RNGTT: variants seen among roughly 807,000 people sequenced by gnomAD.
RNGTT encodes the protein mRNA-capping enzyme.
A neutral mutation model predicts 79.3 loss-of-function variants in RNGTT; 33 were observed. That is an observed-to-expected ratio of 0.42 (90% confidence interval 0.32 to 0.56). The LOEUF (loss-of-function observed/expected upper bound fraction) is 0.56, where lower values mean the gene tolerates loss of function less well. Ranked by LOEUF, RNGTT falls within the 20% of genes least tolerant of loss-of-function variation. The probability of loss-of-function intolerance (pLI) is 0.17; values close to 1 mark genes in which losing one functional copy is unlikely to be tolerated. For synonymous variants in RNGTT, 222 were observed against 235.9 expected (o/e 0.94, Z 0.54); for missense variants, 497 against 739.1 (o/e 0.67, Z 3.80).
At chr6:88,952,233 C>G (rs1459345161) in intron 1 of RNGTT, among the ~76,000 whole-genome samples, 1 of 152,132 alleles carries the variant, frequency 6.6e-6, no homozygotes, top group Non-Finnish European at 1.5e-5. Flanking sequence ...GGCCCAAGAA[C>G]CACCCCCCAT....
chr6:88,927,207 A>T (rs139257809), intron 4 of RNGTT, among the ~76,000 whole-genome samples: 134 of 152,340 alleles, frequency 8.8e-4, no homozygotes, highest in African/African-American at 3.1e-3. Context: ...ACTGTGCTGA[A>T]ACAAATGGTT....
intron 8 of RNGTT, among the ~76,000 whole-genome samples, chr6:88,857,447 C>T (rs756181144): frequency 5.9e-5 from 9 of 152,030 alleles, no homozygotes; most frequent in Non-Finnish European, 5.9e-5. Context: ...GCACAGTCTA[C>T]CTGAATACAC....
intron 8 of RNGTT, among the ~76,000 whole-genome samples, chr6:88,861,577 T>C (rs1009443297): frequency 1.3e-5 from 2 of 152,302 alleles, no homozygotes; most frequent in East Asian, 3.9e-4. Flanking sequence ...TTTACAACTT[T>C]TTAAAAAGAA....
intron 12 of RNGTT, among the ~76,000 whole-genome samples, chr6:88,789,371 C>T (rs574352096): frequency 1.3e-5 from 2 of 152,262 alleles, no homozygotes; most frequent in South Asian, 2.1e-4. Context: ...ACTATCCTGG[C>T]CAACATGGTG....
intron 13 of RNGTT, among the ~76,000 whole-genome samples, chr6:88,762,197 T>C (rs1250136075): frequency 6.6e-6 from 1 of 152,164 alleles, no homozygotes; most frequent in African/African-American, 2.4e-5. Flanking sequence ...CTGCGGTTAT[T>C]TTCCAGTTAC....
At position 88,891,515 on chromosome 6, in the gene RNGTT, T is replaced by C. The variant is rs189123871; in HGVS notation, c.794+291A>G. Among the ~76,000 whole-genome samples the C allele has an allele frequency of 7.2e-5, 11 of 152,252 alleles. No individual in the cohort carries two copies. The East Asian group carries it at 1.9e-3, about 27-fold the overall frequency. Reference sequence around the variant, plus strand: ...ATTTCACCTCTTCCCTCTTATCAAATTGAGAGACTAGCTCAAACATTAATC... The same window carrying C: ...ATTTCACCTCTTCCCTCTTATCAAACTGAGAGACTAGCTCAAACATTAATC... On this transcript the variant is annotated intron_variant, in intron 7 of 15. Coordinates refer to ENST00000369485, the MANE Select transcript of RNGTT (RefSeq NM_003800.5).
chr6:88,777,061 A>G (rs941130655), intron 12 of RNGTT, among the ~76,000 whole-genome samples: 3 of 152,154 alleles, frequency 2.0e-5, no homozygotes, highest in Non-Finnish European at 1.5e-5. Flanking sequence ...ATTCTTTTGT[A>G]TATGGATATT....
chr6:88,770,362 T>C (rs1382496329), intron 12 of RNGTT, among the ~76,000 whole-genome samples: 1 of 152,220 alleles, frequency 6.6e-6, no homozygotes, highest in African/African-American at 2.4e-5. Context: ...ATCTGCTTTC[T>C]ACGACTACAG....
chr6:88,704,738 C>T (rs1224440706), intron 13 of RNGTT, among the ~76,000 whole-genome samples: 2 of 152,058 alleles, frequency 1.3e-5, no homozygotes, highest in African/African-American at 4.8e-5. Context: ...TATCTTCATT[C>T]AACATGGTCT....
rs149211923 is a variant in RNGTT at position 88,748,832 on chromosome 6, C to A, written c.1439+20942G>T. ...GGAAAAGCTCAGAAATGATGAAAAA[C>A]AATGTAATGCACTTTCCACAAGCCT... On this transcript the variant is annotated intron_variant, in intron 13 of 15. Coordinates refer to ENST00000369485, the MANE Select transcript of RNGTT (RefSeq NM_003800.5). Among the ~76,000 whole-genome samples, 7 of 151,524 alleles carry A rather than the reference C, an allele frequency of 4.6e-5. No individual in the cohort carries two copies. The East Asian group carries it at 1.4e-3, about 29-fold the overall frequency.
chr6:88,804,408 C>A (rs774816320), intron 11 of RNGTT, among the ~76,000 whole-genome samples: 6 of 152,210 alleles, frequency 3.9e-5, no homozygotes, highest in East Asian at 3.9e-4. Context: ...CTTTGGGAGG[C>A]TGAGGCAGGG....
chr6:88,649,839 G>A (rs2610744), intron 14 of RNGTT, among the ~76,000 whole-genome samples: 17,250 of 152,160 alleles, frequency 0.11, 3,297 homozygotes, highest in African/African-American at 0.39. Context: ...AGAAGAGGTG[G>A]ATGTTAACTG....
chr6:88,874,269 T>C (rs1782446521), intron 8 of RNGTT, among the ~76,000 whole-genome samples: 1 of 152,146 alleles, frequency 6.6e-6, no homozygotes, highest in African/African-American at 2.4e-5. Context: ...CATTTATTGC[T>C]CTAAAGATTT....
At chr6:88,931,788 T>C (rs10944415) in intron 2 of RNGTT, among the ~76,000 whole-genome samples, 41,484 of 152,030 alleles carry the variant, frequency 0.27, 6,880 homozygotes, top group African/African-American at 0.46. Context: ...GGCAGAAGAA[T>C]ATAAATTGTA....
chr6:88,663,183 G>A (rs1196398369), intron 14 of RNGTT, among the ~76,000 whole-genome samples: 2 of 152,074 alleles, frequency 1.3e-5, no homozygotes, highest in Non-Finnish European at 2.9e-5. Context: ...CCTGAGAGAG[G>A]AAAATGTGTA....
intron 14 of RNGTT, among the ~76,000 whole-genome samples, chr6:88,646,721 T>C (rs903961124): frequency 2.6e-5 from 4 of 152,064 alleles, no homozygotes; most frequent in Admixed American, 2.6e-4. Flanking sequence ...GAAACCATCA[T>C]TCTCAGCAAA....
intron 12 of RNGTT, among the ~76,000 whole-genome samples, chr6:88,780,436 C>T (rs1446512342): frequency 2.6e-5 from 4 of 152,058 alleles, no homozygotes; most frequent in African/African-American, 9.7e-5. Flanking sequence ...ATTTATCAAA[C>T]TTGAAATACA....
chr6:88,930,038 A>G (rs891325992), intron 2 of RNGTT, among the ~76,000 whole-genome samples: 1 of 148,634 alleles, frequency 6.7e-6, no homozygotes, highest in African/African-American at 2.5e-5. Context: ...ATGCATATAT[A>G]TGCATATATA....
At chr6:88,767,281 G>A (rs1778492735) in intron 13 of RNGTT, among the ~76,000 whole-genome samples, 1 of 151,894 alleles carries the variant, frequency 6.6e-6, no homozygotes, top group African/African-American at 2.4e-5. Context: ...TTAGGAAGAA[G>A]ACATTAAATA....
Sources: allele counts gnomAD v4.1 joint callset (sites outside exome capture counted in the v4.1 genomes callset), GRCh38; gene constraint gnomAD v4.1.1; transcripts MANE v1.5; gene names NCBI Gene and HGNC (gene_info 2026-07-23, HGNC 2026-07-21).